MAGI3: variants seen among roughly 807,000 people sequenced by gnomAD.
MAGI3 encodes membrane associated guanylate kinase, WW and PDZ domain containing 3.
MAGI3 carries 43 observed loss-of-function variants against 121.8 expected under a neutral mutation model. The ratio of observed to expected loss-of-function variants is 0.35; its 90% confidence interval spans 0.28 to 0.46. The LOEUF is 0.46. MAGI3 is among the 20% of genes least tolerant of loss of function. The probability of loss-of-function intolerance (pLI) is 1.00; values close to 1 mark genes in which losing one functional copy is unlikely to be tolerated. For missense variants in MAGI3, 1,547 were observed against 1,797.3 expected (o/e 0.86, Z 2.52); for synonymous variants, 553 against 639.3 (o/e 0.86, Z 2.04).
chr1:113,424,585 G>A (rs1652905069), intron 1 of MAGI3, among the ~76,000 whole-genome samples: 1 of 152,104 alleles, frequency 6.6e-6, no homozygotes, highest in African/African-American at 2.4e-5. Flanking sequence ...TTTGGGAATG[G>A]CATAATCTCC....
At chr1:113,659,525 G>A (rs1653670629) in intron 16 of MAGI3, among the ~76,000 whole-genome samples, 8 of 152,218 alleles carry the variant, frequency 5.3e-5, no homozygotes, top group Admixed American at 5.2e-4. Flanking sequence ...GCACCCAGAA[G>A]TGAAAGAGAC....
chr1:113,401,077 T>C (rs1651373497), intron 1 of MAGI3, among the ~76,000 whole-genome samples: 1 of 152,198 alleles, frequency 6.6e-6, no homozygotes, highest in African/African-American at 2.4e-5. Context: ...TTTATATATT[T>C]TTATTCTCTA....
intron 1 of MAGI3, among the ~76,000 whole-genome samples, chr1:113,504,869 A>T (rs1165549629): frequency 6.6e-6 from 1 of 152,184 alleles, no homozygotes; most frequent in African/African-American, 2.4e-5. Flanking sequence ...TACTATCACA[A>T]AAAGCACTAT....
intron 1 of MAGI3, among the ~76,000 whole-genome samples, chr1:113,400,679 A>C (rs957304480): frequency 6.6e-6 from 1 of 152,180 alleles, no homozygotes; most frequent in African/African-American, 2.4e-5. Context: ...CTCTGTTCAC[A>C]GAATTGTATC....
chr1:113,672,591 T>TTGATTTCTGAACTCAGAAATCAGA, intron 17 of MAGI3, 24 bp from the exon 18 acceptor site: 1 of 1,602,294 alleles, frequency 6.2e-7, no homozygotes. Flanking sequence ...GTTCAGAGAG[T>TTGATTTCTGAACTCAGAAATCAGA]GACTTGATTT....
chr1:113,600,608 G>A (rs1649306934), intron 6 of MAGI3, among the ~76,000 whole-genome samples: 2 of 11,768 alleles, frequency 1.7e-4, no homozygotes, highest in African/African-American at 4.8e-4. Context: ...CATGCTCATG[G>A]GTAGGAAGAA....
chr1:113,391,682 G>A lies in MAGI3; in HGVS notation c.316+333G>A, dbSNP rs1342650. On this transcript the variant is annotated intron_variant, in intron 1 of 20. Transcript: ENST00000307546. The surrounding 1 kb of genome is among the most constrained non-coding windows in gnomAD (Gnocchi z 4.4). ...GAGAAGGCCAGCCTTTTCCTGTGTT[G>A]TGCAAAAAGGCCCTTAGGATTGTAA... 0.16 allele frequency among the ~76,000 whole-genome samples: 24,136 copies of A among 152,122 alleles called. 2,234 individuals are homozygous for A. The highest frequency in any genetic ancestry group is 0.2 in the Non-Finnish European group (13,733 of 67,972).
At chr1:113,475,277 G>T (rs776241136) in intron 1 of MAGI3, among the ~76,000 whole-genome samples, 1 of 152,120 alleles carries the variant, frequency 6.6e-6, no homozygotes. Flanking sequence ...ACACTGTGTC[G>T]AATAGGAGTG....
At chr1:113,567,750 AT>A (rs1660492590) in intron 2 of MAGI3, among the ~76,000 whole-genome samples, 1 of 149,922 alleles carries the variant, frequency 6.7e-6, no homozygotes, top group Admixed American at 6.6e-5. Context: ...AAAAGCTAAC[AT>A]TATGCTTAAC....
chr1:113,398,882 T>C (rs762661831), intron 1 of MAGI3, among the ~76,000 whole-genome samples: 4 of 152,008 alleles, frequency 2.6e-5, no homozygotes, highest in African/African-American at 4.8e-5. Flanking sequence ...TCTTGTGATA[T>C]ATAGCTTAGA....
intron 1 of MAGI3, among the ~76,000 whole-genome samples, chr1:113,440,277 G>A (rs955030316): frequency 2.0e-5 from 3 of 152,100 alleles, no homozygotes; most frequent in Non-Finnish European, 4.4e-5. Context: ...ATAGCTACAA[G>A]CAACAGAAAA....
chr1:113,544,711 T>A (rs1557814269), intron 1 of MAGI3, among the ~76,000 whole-genome samples: 1 of 152,216 alleles, frequency 6.6e-6, no homozygotes, highest in Non-Finnish European at 1.5e-5. Context: ...CACAAAGAGC[T>A]TTTAAGGTTG....
chr1:113,530,408 T>C (rs936835303), intron 1 of MAGI3, among the ~76,000 whole-genome samples: 4 of 150,100 alleles, frequency 2.7e-5, no homozygotes, highest in Non-Finnish European at 4.4e-5. Flanking sequence ...CAAGAATACA[T>C]GGACACAAAC....
At chr1:113,395,763 C>T (rs1651080126) in intron 1 of MAGI3, among the ~76,000 whole-genome samples, 1 of 151,900 alleles carries the variant, frequency 6.6e-6, no homozygotes, top group Non-Finnish European at 1.5e-5. Context: ...GCCCTCACCC[C>T]CAGACTTTTA....
In MAGI3 at chr1:113,547,813, A is replaced by G. The variant is rs17031658; in HGVS notation, c.317-1702A>G. On this transcript the variant is annotated intron_variant, in intron 1 of 20. Coordinates refer to ENST00000307546, the MANE Select transcript of MAGI3 (RefSeq NM_001142782.2). ...GGTTAGTGGGATCCCTAAATGCTTA[A>G]TAGAAACAACCTCTGGGACCAGAGA... is the stretch of plus-strand genomic sequence containing the variant. Among the ~76,000 whole-genome samples, 406 of 152,292 alleles carry G rather than the reference A, an allele frequency of 2.7e-3. 1 individual carries two copies. The highest frequency in any genetic ancestry group is 8.4e-3 in the African/African-American group (351 of 41,554).
Position 113,409,826 on chromosome 1 carries a change from T to C in MAGI3, c.316+18477T>C, listed in dbSNP as rs1037570242. Among the ~76,000 whole-genome samples, 4 of 152,242 alleles carry C rather than the reference T, an allele frequency of 2.6e-5. No individual in the cohort carries two copies. The East Asian group carries it at 7.7e-4, about 29-fold the overall frequency. On this transcript the variant is annotated intron_variant, in intron 1 of 20. Coordinates refer to ENST00000307546, the MANE Select transcript of MAGI3 (RefSeq NM_001142782.2). Reference sequence around the variant, plus strand: ...GTTATTTGATTAATCTGTTCTATACTAGGTTATACTATACTGATGTGAGGA... The same window carrying C: ...GTTATTTGATTAATCTGTTCTATACCAGGTTATACTATACTGATGTGAGGA...
intron 1 of MAGI3, among the ~76,000 whole-genome samples, chr1:113,492,878 G>T (rs1292643753): frequency 6.6e-6 from 1 of 152,172 alleles, no homozygotes; most frequent in East Asian, 1.9e-4. Flanking sequence ...CAAAATATTG[G>T]TTAAAGAAAT....
At chr1:113,541,424 T>C (rs1462185312) in intron 1 of MAGI3, among the ~76,000 whole-genome samples, 2 of 152,212 alleles carry the variant, frequency 1.3e-5, no homozygotes, top group Non-Finnish European at 2.9e-5. Context: ...TTCTTCAAAC[T>C]GTAACTTGAA....
intron 2 of MAGI3, among the ~76,000 whole-genome samples, chr1:113,549,878 G>A (rs1302200067): frequency 6.6e-6 from 1 of 152,038 alleles, no homozygotes; most frequent in African/African-American, 2.4e-5. Context: ...CAGCACTTTG[G>A]GAGGCCGAGG....
Sources: allele counts gnomAD v4.1 joint callset (sites outside exome capture counted in the v4.1 genomes callset), GRCh38; gene constraint gnomAD v4.1.1; non-coding constraint Gnocchi (gnomAD v3.1); transcripts MANE v1.5; gene names NCBI Gene and HGNC (gene_info 2026-07-23, HGNC 2026-07-21).